STIM2: variants seen among roughly 807,000 people sequenced by gnomAD.
STIM2 encodes stromal interaction molecule 2.
STIM2 carries 31 observed loss-of-function variants against 85.8 expected under a neutral mutation model. That is an observed-to-expected ratio of 0.36 (90% CI 0.27 to 0.49). STIM2 has a LOEUF of 0.49. Ranked by LOEUF, STIM2 falls within the 20% of genes least tolerant of loss-of-function variation. The probability of loss-of-function intolerance (pLI) is 0.98; values close to 1 mark genes in which losing one functional copy is unlikely to be tolerated. For missense variants in STIM2, 841 were observed against 927.6 expected, an observed-to-expected ratio of 0.91 and a Z score of 1.21; for synonymous variants, 356 against 331.1, an observed-to-expected ratio of 1.08 and a Z score of -0.82.
intron 2 of STIM2, among the ~76,000 whole-genome samples, chr4:26,937,968 T>C (rs1335318748): frequency 6.6e-6 from 1 of 152,108 alleles, no homozygotes; most frequent in Non-Finnish European, 1.5e-5. Flanking sequence ...TTTTTCTTTT[T>C]TGCAGATAAG....
intron 3 of STIM2, among the ~76,000 whole-genome samples, chr4:26,962,832 A>G (rs1726534181): frequency 6.6e-6 from 1 of 152,214 alleles, no homozygotes; most frequent in Non-Finnish European, 1.5e-5. Context: ...ACTATAGTAG[A>G]TAAAAAACTG....
At chr4:26,896,286 A>C (rs1221785952) in intron 1 of STIM2, among the ~76,000 whole-genome samples, 1 of 152,192 alleles carries the variant, frequency 6.6e-6, no homozygotes, top group African/African-American at 2.4e-5. Flanking sequence ...ACCTGGGATA[A>C]ATTTCCTTTT....
intron 3 of STIM2, among the ~76,000 whole-genome samples, chr4:26,969,970 G>A (rs1331518900): frequency 6.6e-6 from 1 of 151,232 alleles, no homozygotes; most frequent in Non-Finnish European, 1.5e-5. Context: ...TTAGTACAAA[G>A]TTTCATTTTA....
chr4:26,999,105 A>G (rs1022782032), intron 4 of STIM2, 127 bp from the exon 5 acceptor site: 1 of 327,084 alleles, frequency 3.1e-6, no homozygotes, highest in Non-Finnish European at 5.4e-6. Context: ...CACATGGATG[A>G]GCTCCAACAG....
chr4:26,942,192 A>G (rs1308349883), intron 2 of STIM2, among the ~76,000 whole-genome samples: 1 of 152,106 alleles, frequency 6.6e-6, no homozygotes, highest in African/African-American at 2.4e-5. Context: ...CATAAGCTTT[A>G]TCTTCTCTCC....
intron 3 of STIM2, among the ~76,000 whole-genome samples, chr4:26,962,071 A>C (rs1391137680): frequency 1.3e-5 from 2 of 152,084 alleles, no homozygotes; most frequent in East Asian, 3.9e-4. Flanking sequence ...GTTACCTGAA[A>C]ATTTGCTAGA....
intron 1 of STIM2, among the ~76,000 whole-genome samples, chr4:26,866,652 A>G (rs1007556927): frequency 1.3e-5 from 2 of 152,200 alleles, no homozygotes; most frequent in Non-Finnish European, 2.9e-5. Context: ...CCAAATTATC[A>G]AGAGCTTTAC....
chr4:26,937,103 T>G lies in STIM2; in HGVS notation c.282+17469T>G, dbSNP rs527586536. 2.0e-5 allele frequency among the ~76,000 whole-genome samples: 3 copies of G among 152,310 alleles called. No individual in the cohort carries two copies. The East Asian group carries it at 5.8e-4, about 29-fold the overall frequency. On this transcript the variant is annotated intron_variant, in intron 2 of 11. Coordinates refer to ENST00000467087, the MANE Select transcript of STIM2 (RefSeq NM_020860.4). ...GTGCCTGGTGCCTTTTGCTTTTTTC[T>G]GGGAGTTGCCACAACCCCTGCTTCA... is the stretch of plus-strand genomic sequence containing the variant.
At chr4:26,861,564 C>A in intron 1 of STIM2, 195 bp downstream of exon 1, 1 of 800,848 alleles carries the variant, frequency 1.2e-6, no homozygotes, top group Non-Finnish European at 1.7e-6. Flanking sequence ...ACACCCCGCC[C>A]TCGCCGAGCC....
chr4:26,891,723 A>G (rs1340309554), intron 1 of STIM2, among the ~76,000 whole-genome samples: 5 of 152,174 alleles, frequency 3.3e-5, no homozygotes, highest in Non-Finnish European at 5.9e-5. Context: ...CCTACTAGAC[A>G]TTCTGTCTGT....
intron 10 of STIM2, among the ~76,000 whole-genome samples, chr4:27,013,246 AT>A (rs1298661524): frequency 1.1e-5 from 1 of 93,446 alleles, no homozygotes; most frequent in Non-Finnish European, 2.0e-5. Flanking sequence ...ACAATAAGGT[AT>A]TTCGAGGTGG....
intron 1 of STIM2, among the ~76,000 whole-genome samples, chr4:26,875,654 G>A (rs1722791260): frequency 6.6e-6 from 1 of 152,112 alleles, no homozygotes; most frequent in South Asian, 2.1e-4. Flanking sequence ...CTAGACAAAT[G>A]GGAGCTGTTT....
chr4:26,968,871 A>G (rs1269388456), intron 3 of STIM2, among the ~76,000 whole-genome samples: 3 of 152,168 alleles, frequency 2.0e-5, no homozygotes, highest in Non-Finnish European at 2.9e-5. Flanking sequence ...CTTAAAAGAC[A>G]AAAGGGAAGC....
At chr4:26,942,928 A>G (rs1228253217) in intron 2 of STIM2, among the ~76,000 whole-genome samples, 1 of 152,078 alleles carries the variant, frequency 6.6e-6, no homozygotes, top group African/African-American at 2.4e-5. Context: ...CTCTACTTAG[A>G]TATCTATTAG....
At chr4:27,019,564 GCTCTCATAA>G in intron 11 of STIM2, 1 of 1,081,070 alleles carries the variant, frequency 9.3e-7, no homozygotes, top group South Asian at 1.3e-5. Flanking sequence ...TTCATAGCTA[GCTCTCATAA>G]ATAAGAGAAT....
rs1454788324 is a variant in STIM2, at chr4:26,861,033, T to C, written c.-186T>C. The C allele has an allele frequency of 2.5e-6, 3 of 1,200,118 alleles. No individual in the cohort carries two copies. The highest frequency in any genetic ancestry group is 3.1e-6 in the Non-Finnish European group (3 of 966,308). 74.3% of individuals were successfully genotyped at this position (1,200,118 alleles called of 1,614,324 possible). On this transcript the variant is annotated 5_prime_UTR_variant, in exon 1 of 12. Coordinates refer to ENST00000467087, the MANE Select transcript of STIM2 (RefSeq NM_020860.4). ...CAGGCTGGCGCCCGGCGGGAGCCCG[T>C]GTCTGAGGCGGCGGGGGCGGCCGGA...
In STIM2 at chr4:26,923,001, G is replaced by C. The variant is rs941208076; in HGVS notation, c.282+3367G>C. 4.0e-5 allele frequency among the ~76,000 whole-genome samples: 6 copies of C among 151,784 alleles called. No homozygotes were observed. The East Asian group carries it at 1.2e-3, about 29-fold the overall frequency. On this transcript the variant is annotated intron_variant, in intron 2 of 11. Transcript: ENST00000467087. ...GTCTGACAGCTTTGAAGAGAGCAGTGGTTCTCCCAGCATGCAGCTGGAGAT... is the reference window on the plus strand; with the variant it reads ...GTCTGACAGCTTTGAAGAGAGCAGTCGTTCTCCCAGCATGCAGCTGGAGAT...
chr4:26,874,406 C>G (rs1053480227), intron 1 of STIM2: 1 of 214,396 alleles, frequency 4.7e-6, no homozygotes, highest in South Asian at 7.4e-5. Flanking sequence ...AACGTCTGCC[C>G]GACGCCAAGT....
intron 1 of STIM2, among the ~76,000 whole-genome samples, chr4:26,872,917 A>T (rs1722678176): frequency 6.6e-6 from 1 of 152,232 alleles, no homozygotes; most frequent in African/African-American, 2.4e-5. Context: ...AGAATTGGGG[A>T]ATAGCATTCC....
Sources: gnomAD v4.1 joint callset for allele counts (sites outside exome capture counted in the v4.1 genomes callset) on GRCh38, gnomAD v4.1.1 for gene constraint, MANE v1.5 for transcripts, NCBI Gene and HGNC (gene_info 2026-07-23, HGNC 2026-07-21) for gene names.